Variants in NXPE2 observed in about 807,000 individuals in gnomAD.
The protein encoded by NXPE2 is neurexophilin and PC-esterase domain family member 2, also known as NXPE family member 2.
In NXPE2, 34 loss-of-function variants were observed where a neutral mutation model predicts 34.4. That is an observed-to-expected ratio of 0.99 (90% CI 0.75 to 1.31). The LOEUF (loss-of-function observed/expected upper bound fraction) is 1.31, where lower values mean the gene tolerates loss of function less well. NXPE2 is among the 40% of genes most tolerant of loss of function. The pLI is 0.00. For missense variants in NXPE2, 649 were observed against 672.5 expected, an observed-to-expected ratio of 0.97 and a Z score of 0.39; for synonymous variants, 235 against 231.3, an observed-to-expected ratio of 1.02 and a Z score of -0.15.
chr11:114,705,948 GA>G lies in NXPE2; in HGVS notation c.1097del (p.Asp366ValfsTer15), dbSNP rs1437719974. The G allele has an allele frequency of 1.3e-6, 2 of 1,528,246 alleles. No individual in the cohort carries two copies. The highest frequency in any genetic ancestry group is 5.1e-5 in the East Asian group (2 of 39,472). The allele number at this position is 1,528,246 out of a possible 1,614,324, so 94.7% of individuals were successfully genotyped here. ...LERKLIYLMG[D>X]STLHQWIYYL... ...AAGAAAACTTATTTATCTCATGGGA[GA>G]TTCAACACTGCATCAGTGGATTTAC... On this transcript the variant is annotated frameshift_variant, in exon 5 of 6. Coordinates refer to ENST00000389586, the MANE Select transcript of NXPE2 (RefSeq NM_182495.6). LOFTEE classifies it low-confidence loss of function (END_TRUNC).
At chr11:114,794,171 T>C in the NXPE2 span, among the ~76,000 whole-genome samples, 1 of 152,136 alleles carries the variant, frequency 6.6e-6, no homozygotes, top group African/African-American at 2.4e-5. Flanking sequence ...AGTTCACACT[T>C]CCTGTCCACT....
At chr11:114,703,414 G>T (rs1951403403) in intron 3 of NXPE2, among the ~76,000 whole-genome samples, 1 of 152,314 alleles carries the variant, frequency 6.6e-6, no homozygotes, top group East Asian at 1.9e-4. Context: ...CCAAGAGCTT[G>T]TTATTATAGA....
the NXPE2 span, among the ~76,000 whole-genome samples, chr11:114,615,813 C>T: frequency 6.7e-6 from 1 of 150,330 alleles, no homozygotes; most frequent in Non-Finnish European, 1.5e-5. Context: ...GTATTGCATC[C>T]TGGGTAACCA....
the NXPE2 span, among the ~76,000 whole-genome samples, chr11:114,759,229 G>A: frequency 5.3e-5 from 8 of 152,126 alleles, no homozygotes; most frequent in Non-Finnish European, 1.0e-4. Flanking sequence ...GTTAACCCAC[G>A]GAGGTCCTCG....
At chr11:114,742,519 C>A in the NXPE2 span, among the ~76,000 whole-genome samples, 3 of 152,132 alleles carry the variant, frequency 2.0e-5, no homozygotes, top group Non-Finnish European at 1.5e-5. Flanking sequence ...CTTGGGAGAC[C>A]TAACGGGGTC....
At chr11:114,670,542 A>T in the NXPE2 span, among the ~76,000 whole-genome samples, 2 of 151,886 alleles carry the variant, frequency 1.3e-5, no homozygotes, top group East Asian at 3.9e-4. Flanking sequence ...AAATTAAAGA[A>T]GTAGCCAGGC....
the NXPE2 span, among the ~76,000 whole-genome samples, chr11:114,543,586 T>C: frequency 6.6e-6 from 1 of 151,636 alleles, no homozygotes; most frequent in African/African-American, 2.4e-5. Flanking sequence ...ATAAGAGACA[T>C]ACTTATGGCA....
At chr11:114,554,023 T>C in the NXPE2 span, 1 of 985,476 alleles carries the variant, frequency 1.0e-6, no homozygotes. Flanking sequence ...TTCTTCCAAA[T>C]GTCTTCTACT....
At chr11:114,640,031 T>G in the NXPE2 span, among the ~76,000 whole-genome samples, 1 of 120,426 alleles carries the variant, frequency 8.3e-6, no homozygotes, top group Non-Finnish European at 1.6e-5. Context: ...TAATGTAACA[T>G]AATTATATTA....
At chr11:114,618,160 G>T in the NXPE2 span, among the ~76,000 whole-genome samples, 1 of 151,284 alleles carries the variant, frequency 6.6e-6, no homozygotes, top group Non-Finnish European at 1.5e-5. Flanking sequence ...GTATTGCCTC[G>T]TGGGTAACCA....
At chr11:114,511,857 C>G in the NXPE2 span, among the ~76,000 whole-genome samples, 1 of 152,086 alleles carries the variant, frequency 6.6e-6, no homozygotes, top group Non-Finnish European at 1.5e-5. Flanking sequence ...ATGCTGGGTC[C>G]TCCTTTGCTT....
At chr11:114,786,363 C>CCT in the NXPE2 span, among the ~76,000 whole-genome samples, 3 of 127,052 alleles carry the variant, frequency 2.4e-5, no homozygotes, top group Non-Finnish European at 5.0e-5. Flanking sequence ...CTACCCCCGC[C>CCT]CCCCGCCCCA....
At chr11:114,636,969 T>C in the NXPE2 span, among the ~76,000 whole-genome samples, 4 of 152,288 alleles carry the variant, frequency 2.6e-5, no homozygotes, top group African/African-American at 9.6e-5. Flanking sequence ...TCTGTAGATG[T>C]CTATTAGGTC....
At chr11:114,602,286 G>T in the NXPE2 span, among the ~76,000 whole-genome samples, 1 of 111,884 alleles carries the variant, frequency 8.9e-6, no homozygotes, top group African/African-American at 3.8e-5. Flanking sequence ...CTATATATAT[G>T]TTATCTATAA....
At chr11:114,724,278 C>T in the NXPE2 span, among the ~76,000 whole-genome samples, 2 of 152,116 alleles carry the variant, frequency 1.3e-5, no homozygotes, top group Admixed American at 1.3e-4. Context: ...ATCACAGTGA[C>T]GTGTTCCAGT....
At chr11:114,633,402 A>G in the NXPE2 span, among the ~76,000 whole-genome samples, 8 of 144,862 alleles carry the variant, frequency 5.5e-5, no homozygotes, top group African/African-American at 2.0e-4. Context: ...ATTATATATT[A>G]TATTTTATTA....
the NXPE2 span, chr11:114,570,836 T>C: frequency 2.4e-5 from 18 of 741,096 alleles, no homozygotes; most frequent in Non-Finnish European, 1.3e-5. Flanking sequence ...TTCTCTGCTC[T>C]TGCTAGTTGG....
chr11:114,594,794 G>T, the NXPE2 span: 3 of 1,164,984 alleles, frequency 2.6e-6, no homozygotes, highest in Non-Finnish European at 3.7e-6. Flanking sequence ...ACAAAAACAA[G>T]CACAAAAACA....
At chr11:114,606,784 C>T in the NXPE2 span, among the ~76,000 whole-genome samples, 5 of 148,744 alleles carry the variant, frequency 3.4e-5, no homozygotes, top group East Asian at 2.0e-4. Context: ...ATTATCCAGT[C>T]GATAATAGGT....
Sources: gnomAD v4.1 joint callset for allele counts (sites outside exome capture counted in the v4.1 genomes callset) on GRCh38, gnomAD v4.1.1 for gene constraint, MANE v1.5 for transcripts, NCBI Gene and HGNC (gene_info 2026-07-23, HGNC 2026-07-21) for gene names.